Variants in BCR observed in about 807,000 individuals in gnomAD.
The protein encoded by BCR is breakpoint cluster region protein.
Under a neutral mutation model 138.6 loss-of-function variants are expected in BCR, and 58 were observed. The ratio of observed to expected loss-of-function variants is 0.42; its 90% CI spans 0.34 to 0.52. The LOEUF (loss-of-function observed/expected upper bound fraction) is 0.52. Ranked by LOEUF, BCR falls within the 20% of genes least tolerant of loss-of-function variation. The pLI, the probability that BCR is intolerant of heterozygous loss-of-function variation, is 0.06. For missense variants in BCR, 1,599 were observed against 1,727.2 expected, an observed-to-expected ratio of 0.93 and a Z score of 1.32; for synonymous variants, 786 against 730.1, an observed-to-expected ratio of 1.08 and a Z score of -1.23.
chr22:23,314,195 C>T lies in BCR; in HGVS notation c.3563+122C>T, dbSNP rs1049222667. ...CTCCTGACCCTTGTCTGCAGTCACT[C>T]ACTGCCTTTGGCGACTAGTGCCACT... is the stretch of plus-strand genomic sequence containing the variant. On this transcript the variant is annotated intron_variant, in intron 21 of 22. Coordinates refer to ENST00000305877, the MANE Select transcript of BCR (RefSeq NM_004327.4). 8.6e-6 allele frequency: 7 copies of T among 814,252 alleles called. No homozygotes were observed. The Admixed American group carries it at 1.5e-4, about 18-fold the overall frequency. 50.4% of individuals were successfully genotyped at this position (814,252 alleles called of 1,614,324 possible).
At chr22:23,227,583 C>T (rs2072909203) in intron 1 of BCR, among the ~76,000 whole-genome samples, 1 of 152,244 alleles carries the variant, frequency 6.6e-6, no homozygotes, top group South Asian at 2.1e-4. Context: ...AGTCTATTTT[C>T]AGCTTTCAGC....
intron 1 of BCR, among the ~76,000 whole-genome samples, chr22:23,239,540 T>C (rs775769507): frequency 5.3e-5 from 8 of 152,160 alleles, no homozygotes; most frequent in Admixed American, 2.0e-4. Context: ...GGCAGTGATA[T>C]GGGTGTTGTG....
At chr22:23,286,159 T>C (rs1343197488) in intron 10 of BCR, among the ~76,000 whole-genome samples, 1 of 152,234 alleles carries the variant, frequency 6.6e-6, no homozygotes, top group Admixed American at 6.5e-5. Flanking sequence ...CAAGCTACCC[T>C]GATGGGGCCC....
intron 1 of BCR, among the ~76,000 whole-genome samples, chr22:23,210,422 G>GAA (rs1050301471): frequency 0.071 from 7,256 of 101,722 alleles, 594 homozygotes; most frequent in African/African-American, 0.23. Flanking sequence ...GTCTCAAAAA[G>GAA]AAAAAAAAAA....
intron 1 of BCR, among the ~76,000 whole-genome samples, chr22:23,209,608 A>T (rs1021332132): frequency 3.3e-5 from 5 of 150,620 alleles, no homozygotes; most frequent in Admixed American, 6.6e-5. Flanking sequence ...CAGTGGCGCG[A>T]TCTCGGCTCA....
At chr22:23,202,555 A>G (rs1048422903) in intron 1 of BCR, among the ~76,000 whole-genome samples, 44 of 152,010 alleles carry the variant, frequency 2.9e-4, no homozygotes, top group African/African-American at 1.0e-3. Flanking sequence ...CCACCATTCT[A>G]CTTTCTATCT....
At position 23,287,000 on chromosome 22, in the gene BCR, C is replaced by G. The variant is rs547503163; in HGVS notation, c.2407-159C>G. 2.6e-5 allele frequency among the ~76,000 whole-genome samples: 4 copies of G among 152,204 alleles called. No individual in the cohort carries two copies. In the South Asian group the frequency reaches 8.3e-4, roughly 32 times the overall value. On this transcript the variant is annotated intron_variant, in intron 10 of 22. Coordinates refer to ENST00000305877, the MANE Select transcript of BCR (RefSeq NM_004327.4). Reference sequence around the variant, plus strand: ...AGCTGTTTCTGTCCTCCAGAGGCCACCAGCAACTGCGGTCTGGGGCCCTGG... The same window carrying G: ...AGCTGTTTCTGTCCTCCAGAGGCCAGCAGCAACTGCGGTCTGGGGCCCTGG...
At chr22:23,221,741 C>T (rs1423107836) in intron 1 of BCR, among the ~76,000 whole-genome samples, 1 of 152,190 alleles carries the variant, frequency 6.6e-6, no homozygotes, top group Non-Finnish European at 1.5e-5. Flanking sequence ...GTTTCTGTCT[C>T]TTCCCACTTT....
At chr22:23,200,477 C>A (rs76055544) in intron 1 of BCR, among the ~76,000 whole-genome samples, 1 of 151,858 alleles carries the variant, frequency 6.6e-6, no homozygotes. Flanking sequence ...ACCATCCCCC[C>A]AGGTAATTTT....
chr22:23,276,054 G>A (rs927961044), intron 8 of BCR, among the ~76,000 whole-genome samples: 1 of 152,094 alleles, frequency 6.6e-6, no homozygotes, highest in Non-Finnish European at 1.5e-5. Flanking sequence ...CAACTTCCAC[G>A]CTTACCCATG....
Position 23,241,466 on chromosome 22 carries a change from A to G in BCR, c.1280-12333A>G, listed in dbSNP as rs2073091169. 2.0e-5 allele frequency among the ~76,000 whole-genome samples: 3 copies of G among 151,900 alleles called. No homozygotes were observed. The South Asian group carries it at 6.3e-4, about 32-fold the overall frequency. On this transcript the variant is annotated intron_variant, in intron 1 of 22. Transcript: ENST00000305877. ...TGGTGTGGAGGGACTCCCTCCAGTC[A>G]CTTTCAGACCTCACTCCCCATGCTG...
intron 1 of BCR, among the ~76,000 whole-genome samples, chr22:23,198,886 G>A (rs955426321): frequency 1.3e-5 from 2 of 152,070 alleles, no homozygotes; most frequent in Non-Finnish European, 2.9e-5. Flanking sequence ...TTGGGAGGCC[G>A]AGGCTGGTGT....
At chr22:23,184,952 C>T (rs1272990604) in intron 1 of BCR, among the ~76,000 whole-genome samples, 1 of 152,184 alleles carries the variant, frequency 6.6e-6, no homozygotes, top group Non-Finnish European at 1.5e-5. Context: ...CCCTAATGCT[C>T]CGCAGTGGCA....
At chr22:23,300,408 A>C (rs1007500937) in intron 16 of BCR, among the ~76,000 whole-genome samples, 2 of 152,234 alleles carry the variant, frequency 1.3e-5, no homozygotes, top group African/African-American at 4.8e-5. Flanking sequence ...AAGGCTGAGT[A>C]ATATTCCATT....
intron 1 of BCR, among the ~76,000 whole-genome samples, chr22:23,214,222 G>A (rs1339313982): frequency 6.8e-6 from 1 of 148,086 alleles, no homozygotes; most frequent in Non-Finnish European, 1.5e-5. Flanking sequence ...TTTTTTTTGT[G>A]AGGGTTAAAG....
Position 23,182,870 on chromosome 22 carries a change from C to T in BCR, c.1279+631C>T, listed in dbSNP as rs562834519. On this transcript the variant is annotated intron_variant, in intron 1 of 22. Coordinates refer to ENST00000305877, the MANE Select transcript of BCR (RefSeq NM_004327.4). Reference sequence around the variant, plus strand: ...CAGGCAGTTGTGACTCAGTGGGCCACCGAAAATCAACTGCATGGAGATTTT... The same window carrying T: ...CAGGCAGTTGTGACTCAGTGGGCCATCGAAAATCAACTGCATGGAGATTTT... 2.6e-5 allele frequency among the ~76,000 whole-genome samples: 4 copies of T among 152,304 alleles called. No individual in the cohort carries two copies. The East Asian group carries it at 7.7e-4, about 29-fold the overall frequency.
At chr22:23,243,068 C>A in intron 1 of BCR, 1 of 276,618 alleles carries the variant, frequency 3.6e-6, no homozygotes, top group South Asian at 3.1e-5. Context: ...TATAAGAAAC[C>A]TGTATGTGGT....
At chr22:23,235,140 T>G (rs1408994419) in intron 1 of BCR, among the ~76,000 whole-genome samples, 2 of 144,236 alleles carry the variant, frequency 1.4e-5, no homozygotes, top group African/African-American at 4.9e-5. Flanking sequence ...TCTCTCGCTC[T>G]GTCACCCAGG....
At chr22:23,272,850 A>G (rs1186959764) in intron 6 of BCR, among the ~76,000 whole-genome samples, 2 of 152,154 alleles carry the variant, frequency 1.3e-5, no homozygotes, top group Non-Finnish European at 1.5e-5. Flanking sequence ...CGAGCCAGCC[A>G]TGCAGGCTCG....
Sources: allele counts gnomAD v4.1 joint callset (sites outside exome capture counted in the v4.1 genomes callset), GRCh38; gene constraint gnomAD v4.1.1; transcripts MANE v1.5; gene names NCBI Gene and HGNC (gene_info 2026-07-23, HGNC 2026-07-21).